Variants in ZFHX3 observed in about 807,000 individuals in gnomAD.
ZFHX3 encodes zinc finger homeobox 3, also known as zinc finger homeobox protein 3.
In ZFHX3, 42 loss-of-function variants were observed where a neutral mutation model predicts 279.1. The ratio of observed to expected loss-of-function variants is 0.15; its 90% CI spans 0.12 to 0.19. ZFHX3 has a LOEUF of 0.19. Ranked by LOEUF, ZFHX3 falls within the 10% of genes least tolerant of loss-of-function variation. The probability of loss-of-function intolerance (pLI) is 1.00; values close to 1 mark genes in which losing one functional copy is unlikely to be tolerated. For synonymous variants in ZFHX3, 2,293 were observed against 1,957.8 expected (o/e 1.17, Z -4.52); for missense variants, 4,981 against 4,754.0 (o/e 1.05, Z -1.40).
At position 73,288,675 on chromosome 16, in the gene ZFHX3, G is replaced by A. The variant is rs149698986; in HGVS notation, c.-1194+29565C>T. 1.2e-4 allele frequency among the ~76,000 whole-genome samples: 19 copies of A among 152,118 alleles called. No homozygotes were observed. In the East Asian group the frequency reaches 3.5e-3, roughly 28 times the overall value. ...AACTCAGTTTCCCCCAGATGTCTTG[G>A]ACTGCTTCGTTTGAGGCTTCTGCAG... On this transcript the variant is annotated intron_variant, in intron 4 of 17. Transcript: ENST00000641206.
chr16:73,782,259 A>G (rs1959496692), intron 1 of ZFHX3, among the ~76,000 whole-genome samples: 1 of 152,218 alleles, frequency 6.6e-6, no homozygotes, highest in Non-Finnish European at 1.5e-5. Flanking sequence ...AGGTGAATCC[A>G]AGTGCTGATA....
chr16:72,977,993 T>C (rs1326616382), intron 1 of ZFHX3, among the ~76,000 whole-genome samples: 1 of 151,994 alleles, frequency 6.6e-6, no homozygotes, highest in Non-Finnish European at 1.5e-5. Flanking sequence ...GCCTCCTGAG[T>C]AGCTGGGACC....
At position 72,787,113 on chromosome 16, in the gene ZFHX3, TATTA is replaced by T. The variant is rs768763537; in HGVS notation, c.*47_*50del. 4 of 1,351,838 alleles carry T rather than the reference TATTA, an allele frequency of 3.0e-6. No homozygotes were observed. Among genetic ancestry groups the T allele is most frequent in the Non-Finnish European group, 3.8e-6 (4 of 1,041,616 alleles). The allele number at this position is 1,351,838 out of a possible 1,614,324, so 83.7% of individuals were successfully genotyped here. A position where few individuals can be genotyped will look rare whatever the true frequency, so the allele number is the denominator to read the frequency against. On this transcript the variant is annotated 3_prime_UTR_variant, in exon 10 of 10. Transcript: ENST00000268489. Reference sequence around the variant, plus strand: ...TAGTCTATTTTTGAAATTGGTTTGTTATTAATTTTTGTATTTAAATTCATTTGTT... The same window carrying T: ...TAGTCTATTTTTGAAATTGGTTTGTTATTTTTGTATTTAAATTCATTTGTT...
intron 5 of ZFHX3, among the ~76,000 whole-genome samples, chr16:73,209,077 T>C (rs954235248): frequency 6.6e-6 from 1 of 152,206 alleles, no homozygotes; most frequent in Non-Finnish European, 1.5e-5. Context: ...TACTCTCTAC[T>C]TTTATAGCCT....
intron 4 of ZFHX3, among the ~76,000 whole-genome samples, chr16:73,273,281 A>G (rs962365253): frequency 6.6e-6 from 1 of 152,150 alleles, no homozygotes; most frequent in Non-Finnish European, 1.5e-5. Context: ...CATTTATGAA[A>G]ATATAAAGAA....
At chr16:73,838,820 G>A (rs531691351) in intron 1 of ZFHX3, among the ~76,000 whole-genome samples, 6 of 151,998 alleles carry the variant, frequency 3.9e-5, no homozygotes, top group East Asian at 1.9e-4. Context: ...GGTGTGTACC[G>A]CTAGGTCAGG....
Position 72,787,783 on chromosome 16 carries a change from T to G in ZFHX3, c.10493A>C (p.Gln3498Pro), listed in dbSNP as rs749728980. 1 of 1,593,302 alleles carries G rather than the reference T, an allele frequency of 6.3e-7. No individual in the cohort carries two copies. The highest frequency in any genetic ancestry group is 8.5e-7 in the Non-Finnish European group (1 of 1,170,294). ...GGTGGGGACGTGAAGCACCATCTCT[T>G]GCAGGTTCACCACAGACTGGCCGAA... ...CFFGQSVVNLQEMVLHVPTGG... is the reference protein window; with the variant it reads ...CFFGQSVVNLPEMVLHVPTGG... Residue 3498 changes from glutamine to proline, a missense_variant, in exon 10 of 10, where the codon CAA becomes CCA. By Grantham distance (76) the Gln-to-Pro change is moderately conservative. Around this residue, in one of 7 missense-constraint regions of ZFHX3, gnomAD observed 1,034 missense variants for 786.0 expected, o/e 1.32. Coordinates refer to ENST00000268489, the MANE Select transcript of ZFHX3 (RefSeq NM_006885.4).
At chr16:72,890,007 G>A (rs373571644) in intron 3 of ZFHX3, 45 bp from the exon 4 acceptor site, 12 of 1,553,266 alleles carry the variant, frequency 7.7e-6, no homozygotes, top group Middle Eastern at 1.7e-4. Flanking sequence ...TAAGCCACTC[G>A]AAGCGGCCAC....
chr16:73,608,373 T>A (rs1159248987), intron 2 of ZFHX3, among the ~76,000 whole-genome samples: 1 of 152,214 alleles, frequency 6.6e-6, no homozygotes, highest in Non-Finnish European at 1.5e-5. Context: ...GGCTTAATAT[T>A]ACTTGTACAC....
At chr16:72,789,020 C>A in intron 9 of ZFHX3, 172 bp from the exon 10 acceptor site, 1 of 908,082 alleles carries the variant, frequency 1.1e-6, no homozygotes, top group South Asian at 2.6e-5. Context: ...GGCTGGACAA[C>A]CTTGTATTCT....
intron 5 of ZFHX3, among the ~76,000 whole-genome samples, chr16:73,211,261 T>C (rs1488470157): frequency 6.6e-6 from 1 of 152,164 alleles, no homozygotes; most frequent in Admixed American, 6.5e-5. Flanking sequence ...GTGAATATCA[T>C]GAAAGCAAGC....
At chr16:72,961,283 A>G (rs1407961139) in intron 1 of ZFHX3, among the ~76,000 whole-genome samples, 1 of 152,244 alleles carries the variant, frequency 6.6e-6, no homozygotes, top group East Asian at 1.9e-4. Context: ...GCTGTCGTTC[A>G]GCCCTGGGGC....
At chr16:73,392,418 CAAAAAAA>C (rs35019692) in intron 3 of ZFHX3, among the ~76,000 whole-genome samples, 31 of 35,782 alleles carry the variant, frequency 8.7e-4, no homozygotes, top group Admixed American at 7.1e-3. Context: ...GACCCTGTCT[CAAAAAAA>C]AAAAAAAAAA....
chr16:73,586,820 T>G (rs1005000296), intron 2 of ZFHX3, among the ~76,000 whole-genome samples: 8 of 152,210 alleles, frequency 5.3e-5, no homozygotes, highest in Non-Finnish European at 8.8e-5. Flanking sequence ...TAGTATTAGA[T>G]GACTTAAAAA....
intron 2 of ZFHX3, among the ~76,000 whole-genome samples, chr16:73,515,654 C>G (rs1368263636): frequency 1.3e-5 from 2 of 152,024 alleles, no homozygotes; most frequent in Non-Finnish European, 2.9e-5. Flanking sequence ...GATATAGTTT[C>G]TTTAGAAGTA....
At chr16:73,779,942 C>T (rs1273621892) in intron 1 of ZFHX3, among the ~76,000 whole-genome samples, 2 of 151,676 alleles carry the variant, frequency 1.3e-5, no homozygotes, top group African/African-American at 4.8e-5. Flanking sequence ...TGGTTTTGAT[C>T]TCCTGACCTC....
chr16:73,596,139 G>A lies in ZFHX3; in HGVS notation c.-1547+84041C>T, dbSNP rs537562665. Among the ~76,000 whole-genome samples, 7 of 151,986 alleles carry A rather than the reference G, an allele frequency of 4.6e-5. 1 individual carries two copies. The South Asian group carries it at 1.2e-3, about 27-fold the overall frequency. ...GGGTTCAAGCAATTCTCCTGCCTCG[G>A]CCTCCTGAGTTAGCTGGGACTACAG... is the stretch of plus-strand genomic sequence containing the variant. On this transcript the variant is annotated intron_variant, in intron 2 of 17. Coordinates refer to the ZFHX3 transcript ENST00000641206.
At chr16:72,946,046 C>A (rs1596996441) in intron 3 of ZFHX3, among the ~76,000 whole-genome samples, 1 of 152,150 alleles carries the variant, frequency 6.6e-6, no homozygotes, top group African/African-American at 2.4e-5. Context: ...GAGTGTGAAT[C>A]CCAATGAGTT....
chr16:73,492,583 T>C (rs1024868970), intron 2 of ZFHX3, among the ~76,000 whole-genome samples: 3 of 152,170 alleles, frequency 2.0e-5, no homozygotes, highest in African/African-American at 7.2e-5. Flanking sequence ...GGGATGCACC[T>C]TAACCTCTTG....
Sources: allele counts gnomAD v4.1 joint callset (sites outside exome capture counted in the v4.1 genomes callset), GRCh38; gene constraint gnomAD v4.1.1; regional missense constraint gnomAD v4.1.1; transcripts MANE v1.5; gene names NCBI Gene and HGNC (gene_info 2026-07-23, HGNC 2026-07-21).